The following PDE4D variants were observed in gnomAD, a reference collection of about 807,000 sequenced individuals.
PDE4D encodes the protein 3',5'-cyclic-AMP phosphodiesterase 4D.
Under a neutral mutation model 87.4 loss-of-function variants are expected in PDE4D, and 24 were observed. The ratio of observed to expected loss-of-function variants is 0.27; its 90% confidence interval spans 0.20 to 0.39. The LOEUF is 0.39. PDE4D is among the 10% of genes least tolerant of loss of function. The pLI, the probability that PDE4D is intolerant of heterozygous loss-of-function variation, is 1.00. For missense variants in PDE4D, 714 were observed against 1,041.0 expected, an observed-to-expected ratio of 0.69 and a Z score of 4.32; for synonymous variants, 384 against 383.2, an observed-to-expected ratio of 1.00 and a Z score of -0.02.
chr5:60,067,393 G>C lies in PDE4D; in HGVS notation c.43-78676C>G, dbSNP rs1191017210. Among the ~76,000 whole-genome samples the C allele has an allele frequency of 6.6e-5, 10 of 151,842 alleles. No individual in the cohort carries two copies. In the East Asian group the frequency reaches 1.9e-3, roughly 29 times the overall value. On this transcript the variant is annotated intron_variant, in intron 2 of 16. Transcript: ENST00000502484. ...TATCAGGAAGGAAGATGAATTAAAGGGAGTTTCCCTTTAATTTCCTTATAA... is the reference window on the plus strand; with the variant it reads ...TATCAGGAAGGAAGATGAATTAAAGCGAGTTTCCCTTTAATTTCCTTATAA...
intron 6 of PDE4D, among the ~76,000 whole-genome samples, chr5:59,022,021 G>A (rs1381812001): frequency 2.0e-5 from 3 of 152,088 alleles, no homozygotes; most frequent in Non-Finnish European, 4.4e-5. Flanking sequence ...ACTCATGGAG[G>A]CAACAGGTGA....
At chr5:59,974,240 AAG>A (rs1180005593) in intron 3 of PDE4D, among the ~76,000 whole-genome samples, 21 of 152,322 alleles carry the variant, frequency 1.4e-4, no homozygotes, top group African/African-American at 5.1e-4. Context: ...ATATATAAGA[AAG>A]CAATAGTGTT....
At chr5:60,053,980 A>G (rs1168022269) in intron 2 of PDE4D, among the ~76,000 whole-genome samples, 3 of 152,258 alleles carry the variant, frequency 2.0e-5, no homozygotes, top group African/African-American at 4.8e-5. Context: ...CAAAACCACA[A>G]TGAGATACCA....
intron 2 of PDE4D, among the ~76,000 whole-genome samples, chr5:59,213,532 C>T (rs1750551531): frequency 6.6e-6 from 1 of 152,124 alleles, no homozygotes; most frequent in Non-Finnish European, 1.5e-5. Flanking sequence ...TTTCTATCTC[C>T]TGGAGCCTTC....
At chr5:59,498,624 T>C (rs956916177) in intron 1 of PDE4D, among the ~76,000 whole-genome samples, 6 of 151,518 alleles carry the variant, frequency 4.0e-5, no homozygotes, top group African/African-American at 1.5e-4. Context: ...AGAACAAGGA[T>C]CACTATTCTA....
At chr5:59,064,229 G>C (rs563729400) in intron 5 of PDE4D, among the ~76,000 whole-genome samples, 1 of 152,150 alleles carries the variant, frequency 6.6e-6, no homozygotes, top group Non-Finnish European at 1.5e-5. Context: ...CCCAAAATAT[G>C]CTACATTTCT....
intron 1 of PDE4D, among the ~76,000 whole-genome samples, chr5:59,615,479 A>T (rs960086577): frequency 6.6e-6 from 1 of 152,174 alleles, no homozygotes; most frequent in African/African-American, 2.4e-5. Flanking sequence ...ACTCATGACT[A>T]TGAAACATTT....
chr5:59,005,015 C>G (rs1202647910), intron 6 of PDE4D, among the ~76,000 whole-genome samples: 1 of 152,144 alleles, frequency 6.6e-6, no homozygotes, highest in Non-Finnish European at 1.5e-5. Context: ...ACTATTGCCA[C>G]AAAAAGATTG....
chr5:60,025,512 T>C (rs2152855578), intron 2 of PDE4D, among the ~76,000 whole-genome samples: 1 of 152,286 alleles, frequency 6.6e-6, no homozygotes, highest in East Asian at 1.9e-4. Flanking sequence ...CAACTTTTTT[T>C]CTTGATTTTT....
chr5:60,063,247 T>C (rs537858879), intron 2 of PDE4D, among the ~76,000 whole-genome samples: 2 of 152,232 alleles, frequency 1.3e-5, no homozygotes, highest in South Asian at 2.1e-4. Flanking sequence ...AATATATTTA[T>C]GTAAACATTA....
At chr5:59,113,709 T>G (rs931477628) in intron 5 of PDE4D, among the ~76,000 whole-genome samples, 2 of 152,218 alleles carry the variant, frequency 1.3e-5, no homozygotes, top group Admixed American at 6.5e-5. Context: ...GGAAACAGAC[T>G]GCCAAAGGTG....
At chr5:58,998,752 C>A (rs1284005386) in intron 6 of PDE4D, among the ~76,000 whole-genome samples, 1 of 152,108 alleles carries the variant, frequency 6.6e-6, no homozygotes, top group Non-Finnish European at 1.5e-5. Context: ...AAGCGAGTGG[C>A]TCAAATACCA....
chr5:59,468,879 T>C (rs1183333803), intron 1 of PDE4D, among the ~76,000 whole-genome samples: 2 of 152,036 alleles, frequency 1.3e-5, no homozygotes, highest in East Asian at 3.9e-4. Flanking sequence ...AAGAGTGCAT[T>C]GAGATATGCC....
intron 1 of PDE4D, among the ~76,000 whole-genome samples, chr5:60,227,241 T>C (rs1745222257): frequency 6.6e-6 from 1 of 152,020 alleles, no homozygotes; most frequent in Non-Finnish European, 1.5e-5. Flanking sequence ...TAACATAACA[T>C]AGGTGGATAT....
At chr5:59,817,740 A>ACCCCCC (rs1356310097) in intron 1 of PDE4D, among the ~76,000 whole-genome samples, 1 of 127,210 alleles carries the variant, frequency 7.9e-6, no homozygotes, top group Non-Finnish European at 1.8e-5. Flanking sequence ...GCACACACCC[A>ACCCCCC]CACCCCCCCC....
chr5:60,481,426 T>C (rs1417854597), intron 1 of PDE4D, among the ~76,000 whole-genome samples: 2 of 152,130 alleles, frequency 1.3e-5, no homozygotes, highest in African/African-American at 4.8e-5. Flanking sequence ...GAGAAAAATC[T>C]TCTAGCTTCT....
At chr5:59,023,903 T>G (rs1249869877) in intron 6 of PDE4D, among the ~76,000 whole-genome samples, 1 of 144,924 alleles carries the variant, frequency 6.9e-6, no homozygotes, top group African/African-American at 2.5e-5. Context: ...GAATTCTACT[T>G]TTTTTTTTTT....
At chr5:59,279,754 T>C (rs181563300) in intron 1 of PDE4D, among the ~76,000 whole-genome samples, 2 of 152,042 alleles carry the variant, frequency 1.3e-5, no homozygotes, top group Admixed American at 1.3e-4. Flanking sequence ...GTATATTTCA[T>C]TCCAAAGCTT....
At chr5:60,336,812 G>A (rs1226492644) in intron 1 of PDE4D, among the ~76,000 whole-genome samples, 1 of 152,076 alleles carries the variant, frequency 6.6e-6, no homozygotes, top group African/African-American at 2.4e-5. Context: ...CATCCAGTGG[G>A]GTTGGGTTGG....
Sources: gnomAD v4.1 joint callset for allele counts (sites outside exome capture counted in the v4.1 genomes callset) on GRCh38, gnomAD v4.1.1 for gene constraint, MANE v1.5 for transcripts, NCBI Gene and HGNC (gene_info 2026-07-23, HGNC 2026-07-21) for gene names.